The following MAGI2 variants were observed in gnomAD, a reference collection of about 807,000 sequenced individuals.
MAGI2 encodes membrane associated guanylate kinase, WW and PDZ domain containing 2.
In MAGI2, 35 loss-of-function variants were observed where a neutral mutation model predicts 133.3. The ratio of observed to expected loss-of-function variants is 0.26; its 90% CI spans 0.20 to 0.35. The LOEUF (loss-of-function observed/expected upper bound fraction) is 0.35. Ranked by LOEUF, MAGI2 falls within the 10% of genes least tolerant of loss-of-function variation. The probability of loss-of-function intolerance (pLI) is 1.00; values close to 1 mark genes in which losing one functional copy is unlikely to be tolerated. For synonymous variants in MAGI2, 729 were observed against 710.6 expected (o/e 1.03, Z -0.41); for missense variants, 1,636 against 1,863.4 (o/e 0.88, Z 2.25).
In MAGI2 at chr7:79,211,426, CACT is replaced by C. The variant is rs1347060325; in HGVS notation, c.302-204223_302-204221del. Among the ~76,000 whole-genome samples the C allele has an allele frequency of 2.0e-5, 3 of 151,774 alleles. No homozygotes were observed. In the East Asian group the frequency reaches 5.8e-4, roughly 29 times the overall value. ...CTGCGTAGCTGAGACTACAGTGCACCACTATGTCCGGCTAATTATTTTCTTTCT... is the reference window on the plus strand; with the variant it reads ...CTGCGTAGCTGAGACTACAGTGCACCATGTCCGGCTAATTATTTTCTTTCT... On this transcript the variant is annotated intron_variant, in intron 1 of 21. Coordinates refer to ENST00000354212, the MANE Select transcript of MAGI2 (RefSeq NM_012301.4).
At chr7:78,747,562 A>G (rs576161814) in intron 2 of MAGI2, among the ~76,000 whole-genome samples, 2 of 152,166 alleles carry the variant, frequency 1.3e-5, no homozygotes, top group Non-Finnish European at 2.9e-5. Context: ...AGGGATATCT[A>G]ATTTTGTGCT....
intron 14 of MAGI2, among the ~76,000 whole-genome samples, chr7:78,172,668 T>C (rs1584257810): frequency 6.6e-6 from 1 of 152,372 alleles, no homozygotes; most frequent in East Asian, 1.9e-4. Flanking sequence ...ATGTGCACCC[T>C]GGGATGTCAA....
intron 1 of MAGI2, among the ~76,000 whole-genome samples, chr7:79,446,183 G>A (rs1848838725): frequency 1.3e-5 from 2 of 152,132 alleles, no homozygotes; most frequent in Non-Finnish European, 2.9e-5. Context: ...GGAGGAGGGG[G>A]GAGGGATAGC....
At chr7:79,251,118 TC>T (rs1833225117) in intron 1 of MAGI2, among the ~76,000 whole-genome samples, 1 of 152,006 alleles carries the variant, frequency 6.6e-6, no homozygotes, top group Non-Finnish European at 1.5e-5. Flanking sequence ...ATCTGAGACC[TC>T]AAACTATGAA....
intron 16 of MAGI2, among the ~76,000 whole-genome samples, chr7:78,141,922 C>T (rs10228748): frequency 0.14 from 21,012 of 152,094 alleles, 1,698 homozygotes; most frequent in African/African-American, 0.21. Flanking sequence ...CCATATATTA[C>T]CGTTTATGCT....
chr7:78,928,200 C>G (rs1799857266), intron 2 of MAGI2, among the ~76,000 whole-genome samples: 1 of 151,740 alleles, frequency 6.6e-6, no homozygotes, highest in African/African-American at 2.4e-5. Flanking sequence ...ATAAAAGTGC[C>G]TGAAATTGTA....
At chr7:78,931,250 T>C (rs1001011930) in intron 2 of MAGI2, among the ~76,000 whole-genome samples, 4 of 152,096 alleles carry the variant, frequency 2.6e-5, no homozygotes, top group Admixed American at 2.0e-4. Flanking sequence ...ACTGATTCAA[T>C]GACTGGATTT....
At chr7:78,092,361 A>T (rs1422905531) in intron 20 of MAGI2, among the ~76,000 whole-genome samples, 1 of 152,220 alleles carries the variant, frequency 6.6e-6, no homozygotes, top group Admixed American at 6.5e-5. Flanking sequence ...GTGCATCACT[A>T]TCATTTTGAT....
At chr7:79,411,440 T>C (rs978098830) in intron 1 of MAGI2, 2 of 152,078 alleles carry the variant, frequency 1.3e-5, no homozygotes, top group Non-Finnish European at 2.9e-5. Flanking sequence ...TAAAAACTTG[T>C]CCTGATGTTG....
chr7:78,044,528 G>T (rs1811191278), intron 21 of MAGI2, among the ~76,000 whole-genome samples: 1 of 152,172 alleles, frequency 6.6e-6, no homozygotes. Context: ...CTTTTTCACA[G>T]CAGTATGGAA....
intron 2 of MAGI2, among the ~76,000 whole-genome samples, chr7:78,880,271 AC>A (rs1356357351): frequency 2.6e-5 from 4 of 152,312 alleles, no homozygotes; most frequent in African/African-American, 7.2e-5. Context: ...GCACATAGTC[AC>A]CAGACTGGCC....
intron 2 of MAGI2, among the ~76,000 whole-genome samples, chr7:78,836,136 A>G (rs1324829061): frequency 1.3e-5 from 2 of 152,340 alleles, no homozygotes; most frequent in East Asian, 1.9e-4. Flanking sequence ...TAACTCCTAT[A>G]ACGTCACAAT....
intron 9 of MAGI2, among the ~76,000 whole-genome samples, chr7:78,339,336 A>G (rs899621891): frequency 6.6e-6 from 1 of 152,206 alleles, no homozygotes; most frequent in African/African-American, 2.4e-5. Flanking sequence ...AATGAAGACA[A>G]TCTGCTAAAT....
At chr7:79,174,228 A>G (rs1825879867) in intron 1 of MAGI2, among the ~76,000 whole-genome samples, 1 of 152,062 alleles carries the variant, frequency 6.6e-6, no homozygotes, top group Non-Finnish European at 1.5e-5. Context: ...GGGGTAATTA[A>G]TTAATTGAAA....
At chr7:79,271,798 T>C (rs1834899825) in intron 1 of MAGI2, among the ~76,000 whole-genome samples, 1 of 151,794 alleles carries the variant, frequency 6.6e-6, no homozygotes, top group Non-Finnish European at 1.5e-5. Context: ...TTCAAAAAAG[T>C]GATTAACAAA....
At chr7:79,034,143 C>A (rs1006110368) in intron 1 of MAGI2, among the ~76,000 whole-genome samples, 1 of 152,132 alleles carries the variant, frequency 6.6e-6, no homozygotes, top group Non-Finnish European at 1.5e-5. Context: ...ACTGAGTTCT[C>A]CAAAAGAGTA....
chr7:78,680,905 A>G (rs1815577489), intron 2 of MAGI2, among the ~76,000 whole-genome samples: 1 of 152,112 alleles, frequency 6.6e-6, no homozygotes, highest in Non-Finnish European at 1.5e-5. Context: ...ATGGAGGCTC[A>G]TGCTTAGAGG....
At chr7:79,331,246 G>A (rs987639054) in intron 1 of MAGI2, among the ~76,000 whole-genome samples, 2 of 151,988 alleles carry the variant, frequency 1.3e-5, no homozygotes, top group South Asian at 2.1e-4. Flanking sequence ...TATATGCCTC[G>A]ATGTATTGTT....
intron 6 of MAGI2, among the ~76,000 whole-genome samples, chr7:78,465,302 T>C (rs1790504056): frequency 6.6e-6 from 1 of 152,132 alleles, no homozygotes; most frequent in Admixed American, 6.6e-5. Context: ...AATCTTAAAT[T>C]ATAGACACTG....
Sources: allele counts gnomAD v4.1 joint callset (sites outside exome capture counted in the v4.1 genomes callset), GRCh38; gene constraint gnomAD v4.1.1; transcripts MANE v1.5; gene names NCBI Gene and HGNC (gene_info 2026-07-23, HGNC 2026-07-21).